Variants in MX2 observed in about 807,000 individuals in gnomAD.
MX2 encodes the protein interferon-induced GTP-binding protein Mx2.
Under a neutral mutation model 74.0 loss-of-function variants are expected in MX2, and 51 were observed. The observed-to-expected ratio is 0.69, with a 90% CI of 0.55 to 0.87. MX2 has a LOEUF of 0.87. Among genes scored for constraint, MX2 ranks in the 40% least tolerant of loss-of-function variants. MX2 has a pLI of 0.00. For missense variants in MX2, 832 were observed against 908.7 expected (o/e 0.92, Z 1.09); for synonymous variants, 369 against 339.3 (o/e 1.09, Z -0.96).
chr21:41,371,942 A>G (rs1053682592), intron 1 of MX2, among the ~76,000 whole-genome samples: 8 of 152,144 alleles, frequency 5.3e-5, no homozygotes, highest in East Asian at 1.9e-4. Context: ...AGGGTTTTTT[A>G]TAGTTAGGGA....
rs1429408521 is a variant in MX2, at chr21:41,363,377, A to G, written c.-72+1322A>G. Reference sequence around the variant, plus strand: ...TCCTCCTGCCTCGGCCTCCCAATGCATTGGGATTACAGGTGTGAGTCCCTG... The same window carrying G: ...TCCTCCTGCCTCGGCCTCCCAATGCGTTGGGATTACAGGTGTGAGTCCCTG... On this transcript the variant is annotated intron_variant, in intron 1 of 13. Transcript: ENST00000330714. This position sits in a 1 kb window ranked among gnomAD's most constrained non-coding sequence, Gnocchi z 4.2. 1 of 152,036 alleles carries G rather than the reference A, an allele frequency of 6.6e-6. No individual in the cohort carries two copies. The highest frequency in any genetic ancestry group is 1.5e-5 in the Non-Finnish European group (1 of 68,056). 9.4% of individuals were successfully genotyped at this position (152,036 alleles called of 1,614,324 possible). A position where few individuals can be genotyped will look rare whatever the true frequency, so the allele number is the denominator to read the frequency against.
In MX2 at chr21:41,376,917, C is replaced by A. The variant is rs776422769; in HGVS notation, c.11C>A (p.Ala4Asp). Residue 4 changes from alanine to aspartate, a missense_variant, in exon 2 of 14, where the codon GCC becomes GAC. Ala to Asp is a moderately radical substitution (Grantham distance 126). Coordinates refer to ENST00000330714, the MANE Select transcript of MX2 (RefSeq NM_002463.2). MSK[A>D]HKPWPYRRRS... Reference sequence around the variant, plus strand: ...ACAGGGAGACAGCACATGTCTAAGGCCCACAAGCCTTGGCCCTACCGGAGG... The same window carrying A: ...ACAGGGAGACAGCACATGTCTAAGGACCACAAGCCTTGGCCCTACCGGAGG... 2 of 1,613,874 alleles carry A rather than the reference C, an allele frequency of 1.2e-6. No homozygotes were observed. The highest frequency in any genetic ancestry group is 3.3e-4 in the Middle Eastern group (2 of 6,046).
rs1332298756 is a variant in MX2 at position 41,368,070 on chromosome 21, T to C, written c.-72+6015T>C. ...GGTCCACAGCTCCCATGCTCTGCAT[T>C]TATACTGGGCTGCGGAAGCTCCCAC... On this transcript the variant is annotated intron_variant, in intron 1 of 13. Transcript: ENST00000330714. The surrounding 1 kb of genome is among the most constrained non-coding windows in gnomAD (Gnocchi z 4.6). Among the ~76,000 whole-genome samples the C allele has an allele frequency of 6.6e-6, 1 of 152,150 alleles. No individual in the cohort carries two copies. The highest frequency in any genetic ancestry group is 2.4e-5 in the African/African-American group (1 of 41,430).
chr21:41,408,297 A>G lies in MX2; in HGVS notation c.*64A>G. On this transcript the variant is annotated 3_prime_UTR_variant, in exon 14 of 14. Coordinates refer to ENST00000330714, the MANE Select transcript of MX2 (RefSeq NM_002463.2). ...CATTCATTCTAAGGGGAGTCGGTGC[A>G]GGATGCCGCTTCTGCTTTGGGGCCA... 1.3e-6 allele frequency: 2 copies of G among 1,580,980 alleles called. No individual in the cohort carries two copies. Among genetic ancestry groups the G allele is most frequent in the Non-Finnish European group, 1.7e-6 (2 of 1,163,886 alleles).
rs942056378 is a variant in MX2, at chr21:41,388,599, C to T, written c.733-1966C>T. 7.2e-5 allele frequency among the ~76,000 whole-genome samples: 11 copies of T among 152,276 alleles called. No individual in the cohort carries two copies. The highest frequency in any genetic ancestry group is 2.2e-4 in the African/African-American group (9 of 41,552). On this transcript the variant is annotated intron_variant, in intron 5 of 13. Transcript: ENST00000330714. This position sits in a 1 kb window ranked among gnomAD's most constrained non-coding sequence, Gnocchi z 4.0. Reference sequence around the variant, plus strand: ...CTCCTGGGCTGTAAGGCTCTGGGGGCGTATGCTCAATGCCGAGTCTCTGAA... The same window carrying T: ...CTCCTGGGCTGTAAGGCTCTGGGGGTGTATGCTCAATGCCGAGTCTCTGAA...
chr21:41,379,892 C>A, intron 3 of MX2, 125 bp from the exon 4 acceptor site: 1 of 1,245,732 alleles, frequency 8.0e-7, no homozygotes, highest in Non-Finnish European at 1.1e-6. Context: ...TACTACCAGG[C>A]CCCAGGGAGA....
chr21:41,397,773 C>T (rs2089755639), intron 8 of MX2, 82 bp downstream of exon 8: 1 of 1,199,918 alleles, frequency 8.3e-7, no homozygotes, highest in Non-Finnish European at 1.2e-6. Context: ...CTAAGATGCC[C>T]CACTGATCTG....
intron 6 of MX2, among the ~76,000 whole-genome samples, chr21:41,393,013 C>T (rs924779332): frequency 1.4e-5 from 2 of 144,988 alleles, no homozygotes; most frequent in Non-Finnish European, 3.0e-5. Context: ...GGCTGAGGCA[C>T]GAGAATCGCT....
intron 7 of MX2, among the ~76,000 whole-genome samples, chr21:41,396,357 G>C (rs1427282774): frequency 6.6e-6 from 1 of 152,222 alleles, no homozygotes; most frequent in African/African-American, 2.4e-5. Flanking sequence ...TAGAGACTCT[G>C]TAGTTTGTAG....
intron 1 of MX2, among the ~76,000 whole-genome samples, chr21:41,367,537 A>G (rs2089278149): frequency 6.6e-6 from 1 of 152,194 alleles, no homozygotes; most frequent in African/African-American, 2.4e-5. Flanking sequence ...GGGAGCTGCA[A>G]TAAACCAAAT....
At chr21:41,397,978 T>A (rs941960770) in intron 8 of MX2, among the ~76,000 whole-genome samples, 3 of 152,014 alleles carry the variant, frequency 2.0e-5, no homozygotes, top group Admixed American at 1.3e-4. Flanking sequence ...GAGAGCAAGT[T>A]TTCTTTTTTC....
At chr21:41,383,873 A>G (rs538861347) in intron 5 of MX2, among the ~76,000 whole-genome samples, 1 of 152,224 alleles carries the variant, frequency 6.6e-6, no homozygotes, top group South Asian at 2.1e-4. Context: ...TCATCCATCA[A>G]GTTATGGGAT....
Position 41,376,961 on chromosome 21 carries a change from C to G in MX2, c.55C>G (p.Arg19Gly). The G allele has an allele frequency of 6.2e-7, 1 of 1,614,038 alleles. No homozygotes were observed. The highest frequency in any genetic ancestry group is 8.5e-7 in the Non-Finnish European group (1 of 1,180,046). The change falls in exon 2 of 14, where the codon CGA (arginine) becomes GGA (glycine). Residue 19 changes from arginine to glycine, a missense_variant. Physicochemically the swap from Arg to Gly is moderately radical, Grantham distance 125. Coordinates refer to ENST00000330714, the MANE Select transcript of MX2 (RefSeq NM_002463.2). The part of the protein sequence containing the change: ...PYRRRSQFSS[R>G]KYLKKEMNSF... Reference sequence around the variant, plus strand: ...CCGGAGGAGAAGTCAATTTTCTTCTCGAAAATACCTGAAAAAAGAAATGAA... The same window carrying G: ...CCGGAGGAGAAGTCAATTTTCTTCTGGAAAATACCTGAAAAAAGAAATGAA...
intron 3 of MX2, 89 bp from the exon 4 acceptor site, chr21:41,379,928 G>T: frequency 6.5e-7 from 1 of 1,536,964 alleles, no homozygotes; most frequent in South Asian, 1.2e-5. Flanking sequence ...CGAGGCCTTT[G>T]GGGACAGCAG....
Position 41,363,146 on chromosome 21 carries a change from A to C in MX2, c.-72+1091A>C, listed in dbSNP as rs893362019. On this transcript the variant is annotated intron_variant, in intron 1 of 13. Transcript: ENST00000330714. This position sits in a 1 kb window ranked among gnomAD's most constrained non-coding sequence, Gnocchi z 4.2. Reference sequence around the variant, plus strand: ...TTTAAAAAGATCAGGATTCCAAGCTATCTTTCCTCGCACCCTCTCCTCCGT... The same window carrying C: ...TTTAAAAAGATCAGGATTCCAAGCTCTCTTTCCTCGCACCCTCTCCTCCGT... 6.6e-6 allele frequency: 1 copy of C among 152,200 alleles called. No individual in the cohort carries two copies. The highest frequency in any genetic ancestry group is 2.4e-5 in the African/African-American group (1 of 41,430). 9.4% of individuals were successfully genotyped at this position (152,200 alleles called of 1,614,324 possible). A position where few individuals can be genotyped will look rare whatever the true frequency, so the allele number is the denominator to read the frequency against.
intron 1 of MX2, among the ~76,000 whole-genome samples, chr21:41,375,046 C>T (rs1218253800): frequency 6.6e-6 from 1 of 152,230 alleles, no homozygotes; most frequent in East Asian, 1.9e-4. Flanking sequence ...GACCTCAGGA[C>T]CTTTGCACAT....
chr21:41,383,377 T>C (rs1406004646), intron 5 of MX2, among the ~76,000 whole-genome samples: 1 of 152,052 alleles, frequency 6.6e-6, no homozygotes, highest in East Asian at 1.9e-4. Flanking sequence ...AATAAATAAA[T>C]AAACCTGAGG....
At chr21:41,389,735 C>G (rs2089631006) in intron 5 of MX2, 1 of 152,138 alleles carries the variant, frequency 6.6e-6, no homozygotes, top group South Asian at 2.1e-4. Context: ...TTTGGCTGTG[C>G]AGTTTTCTGT....
intron 6 of MX2, among the ~76,000 whole-genome samples, chr21:41,393,427 T>C (rs1253490425): frequency 6.6e-6 from 1 of 152,162 alleles, no homozygotes. Context: ...GTCACGTCTC[T>C]GTCCTTGCCT....
Sources: allele counts gnomAD v4.1 joint callset (sites outside exome capture counted in the v4.1 genomes callset), GRCh38; gene constraint gnomAD v4.1.1; non-coding constraint Gnocchi (gnomAD v3.1); transcripts MANE v1.5; gene names NCBI Gene and HGNC (gene_info 2026-07-23, HGNC 2026-07-21).